The following ZNFX1 variants were observed in gnomAD, a reference collection of about 807,000 sequenced individuals.
The protein encoded by ZNFX1 is NFX1-type zinc finger-containing protein 1.
ZNFX1 carries 78 observed loss-of-function variants against 179.8 expected under a neutral mutation model. The observed-to-expected ratio is 0.43, with a 90% confidence interval of 0.36 to 0.52. The LOEUF (loss-of-function observed/expected upper bound fraction) is 0.52, where lower values mean the gene tolerates loss of function less well. Ranked by LOEUF, ZNFX1 falls within the 20% of genes least tolerant of loss-of-function variation. The pLI, the probability that ZNFX1 is intolerant of heterozygous loss-of-function variation, is 0.00. For synonymous variants in ZNFX1, 848 were observed against 868.5 expected (o/e 0.98, Z 0.42); for missense variants, 1,927 against 2,386.6 (o/e 0.81, Z 4.01).
rs1198040345 is a variant in ZNFX1 at position 49,263,304 on chromosome 20, CA to C, written c.2301+29del. ...TACCTCAAAGTACTGAGGCCAGAGA[CA>C]TATTTGTGTCCCCCAGGATGACCCC... is the stretch of plus-strand genomic sequence containing the variant. On this transcript the variant is annotated intron_variant, in intron 6 of 13. Coordinates refer to ENST00000396105, the MANE Select transcript of ZNFX1 (RefSeq NM_021035.3). 3 of 1,609,058 alleles carry C rather than the reference CA, an allele frequency of 1.9e-6. No homozygotes were observed. The Admixed American group carries it at 5.0e-5, about 27-fold the overall frequency.
rs543258621 is a variant in ZNFX1, at chr20:49,246,797, G to C, written c.*470C>G. On this transcript the variant is annotated 3_prime_UTR_variant, in exon 14 of 14. Coordinates refer to ENST00000396105, the MANE Select transcript of ZNFX1 (RefSeq NM_021035.3). ...GAGATAAAGTGCTTACTCTAGCGCA[G>C]GGGTAAATCTAGAAACAAATGTGGG... 36 of 453,946 alleles carry C rather than the reference G, an allele frequency of 7.9e-5. No individual in the cohort carries two copies. In the East Asian group the frequency reaches 2.4e-3, roughly 30 times the overall value. The allele number at this position is 453,946 out of a possible 1,614,324, so 28.1% of individuals were successfully genotyped here.
At chr20:49,255,705 A>G (rs1980953202) in intron 9 of ZNFX1, 103 bp downstream of exon 9, 2 of 1,348,174 alleles carry the variant, frequency 1.5e-6, no homozygotes, top group South Asian at 1.4e-5. Flanking sequence ...GTGGTGCTCA[A>G]TCAATAATTA....
At chr20:49,261,835 A>G (rs1227782596) in intron 6 of ZNFX1, among the ~76,000 whole-genome samples, 1 of 151,046 alleles carries the variant, frequency 6.6e-6, no homozygotes, top group Non-Finnish European at 1.5e-5. Context: ...TTTAGTAGAG[A>G]CGGGGTTTCA....
At chr20:49,261,173 G>A (rs1455866951) in intron 6 of ZNFX1, among the ~76,000 whole-genome samples, 1 of 152,180 alleles carries the variant, frequency 6.6e-6, no homozygotes, top group Non-Finnish European at 1.5e-5. Flanking sequence ...GGCCGAGGCT[G>A]CAGTGAGCTA....
chr20:49,271,640 T>C lies in ZNFX1; in HGVS notation c.172A>G (p.Asn58Asp), dbSNP rs1314777975. The change falls in exon 3 of 14, where the codon AAC becomes GAC. Residue 58 changes from asparagine to aspartate, a missense_variant. Transcript: ENST00000396105. ...SHPGRHPRAN[N>D]HPAAYWQREE... ...CTCTGCCAGTAAGCAGCAGGATGGTTGTTGGCCCTAGGATGCCTTCCAGGG... is the reference window on the plus strand; with the variant it reads ...CTCTGCCAGTAAGCAGCAGGATGGTCGTTGGCCCTAGGATGCCTTCCAGGG... 1.2e-6 allele frequency: 2 copies of C among 1,614,002 alleles called. No individual in the cohort carries two copies. Among genetic ancestry groups the C allele is most frequent in the African/African-American group, 2.7e-5 (2 of 75,010 alleles).
Position 49,247,174 on chromosome 20 carries a change from G to A in ZNFX1, c.*93C>T. The A allele has an allele frequency of 1.3e-6, 2 of 1,500,346 alleles. No individual in the cohort carries two copies. The highest frequency in any genetic ancestry group is 1.8e-6 in the Non-Finnish European group (2 of 1,118,312). 92.9% of individuals were successfully genotyped at this position (1,500,346 alleles called of 1,614,324 possible). On this transcript the variant is annotated 3_prime_UTR_variant, in exon 14 of 14. Coordinates refer to ENST00000396105, the MANE Select transcript of ZNFX1 (RefSeq NM_021035.3). ...AAGCCACTGCGCCCAGCCTAAAAAG[G>A]ATGATAATAAAAAACAAACTTCAGT...
At chr20:49,260,398 CA>C (rs1443312652) in intron 7 of ZNFX1, 64 bp downstream of exon 7, 1 of 1,067,198 alleles carries the variant, frequency 9.4e-7, no homozygotes, top group African/African-American at 1.6e-5. Context: ...TTTTAAGTCT[CA>C]CTGTTCTGGT....
In ZNFX1 at chr20:49,249,632, T is replaced by C. The variant is rs768211248; in HGVS notation, c.3392A>G (p.Gln1131Arg). The change falls in exon 14 of 14, where the codon CAG becomes CGG. Residue 1131 changes from glutamine (Q) to arginine (R), a missense_variant. Coordinates refer to ENST00000396105, the MANE Select transcript of ZNFX1 (RefSeq NM_021035.3). The stretch of plus-strand genomic sequence containing the variant: ...CTCTACCACAAAGTGAGCCTCATGC[T>C]GGTTCTGATGGCTTTTGCCCTCTTG... ...EIQEGKSHQN[Q>R]HEAHFVVELC... 2.2e-5 allele frequency: 35 copies of C among 1,614,118 alleles called. No homozygotes were observed. Among genetic ancestry groups the C allele is most frequent in the Admixed American group, 3.3e-5 (2 of 60,010 alleles).
intron 13 of ZNFX1, 65 bp downstream of exon 13, chr20:49,251,462 G>T: frequency 6.8e-7 from 1 of 1,478,606 alleles, no homozygotes; most frequent in Non-Finnish European, 9.3e-7. Context: ...TTTTTATCTT[G>T]AGGAAATTAT....
In ZNFX1 at chr20:49,269,825, A is replaced by G. The variant is rs1981335946; in HGVS notation, c.1870+117T>C. ...CACATGTACCCCTAAACCTAAAATA[A>G]AAGTTGGAAAATAAAATAAGTAAAT... is the stretch of plus-strand genomic sequence containing the variant. On this transcript the variant is annotated intron_variant, in intron 3 of 13. Coordinates refer to ENST00000396105, the MANE Select transcript of ZNFX1 (RefSeq NM_021035.3). 4 of 1,303,106 alleles carry G rather than the reference A, an allele frequency of 3.1e-6. No individual in the cohort carries two copies. In the South Asian group the frequency reaches 6.2e-5, roughly 20 times the overall value. 80.7% of individuals were successfully genotyped at this position (1,303,106 alleles called of 1,614,324 possible).
intron 8 of ZNFX1, 124 bp downstream of exon 8, chr20:49,257,293 G>A (rs2146733082): frequency 2.2e-6 from 3 of 1,344,140 alleles, no homozygotes; most frequent in Non-Finnish European, 3.0e-6. Context: ...CATACCAGGG[G>A]TAGGCTGTAA....
intron 3 of ZNFX1, 123 bp from the exon 4 acceptor site, chr20:49,266,389 G>T (rs142297323): frequency 3.0e-6 from 3 of 1,011,226 alleles, no homozygotes; most frequent in South Asian, 2.0e-5. Context: ...TCTAAGAAGC[G>T]TACATTGTAT....
At chr20:49,264,144 C>G (rs1479009947) in intron 5 of ZNFX1, among the ~76,000 whole-genome samples, 1 of 152,166 alleles carries the variant, frequency 6.6e-6, no homozygotes, top group Non-Finnish European at 1.5e-5. Context: ...ATCGCTTGAA[C>G]CTAGGAGGTG....
intron 10 of ZNFX1, 90 bp downstream of exon 10, chr20:49,254,405 C>T: frequency 6.7e-7 from 1 of 1,491,372 alleles, no homozygotes; most frequent in African/African-American, 1.4e-5. Context: ...CTCTAACCTA[C>T]CAAAGAAGCT....
rs539249314 is a variant in ZNFX1 at position 49,275,740 on chromosome 20, C to T, written c.61+39G>A. The T allele has an allele frequency of 3.1e-6, 5 of 1,598,496 alleles. No homozygotes were observed. In the Admixed American group the frequency reaches 6.7e-5, roughly 21 times the overall value. ...AGAGCCCTATTTCCTTCTTTTATTACTAGAATTTCCTTCTCATTAGGTAGG... is the reference window on the plus strand; with the variant it reads ...AGAGCCCTATTTCCTTCTTTTATTATTAGAATTTCCTTCTCATTAGGTAGG... On this transcript the variant is annotated intron_variant, in intron 2 of 13. Transcript: ENST00000396105.
intron 11 of ZNFX1, 38 bp downstream of exon 11, chr20:49,253,628 G>A (rs752701610): frequency 6.2e-7 from 1 of 1,612,446 alleles, no homozygotes; most frequent in Non-Finnish European, 8.5e-7. Flanking sequence ...CACCCCCACG[G>A]AGAGCCAGCC....
At position 49,270,792 on chromosome 20, in the gene ZNFX1, AGGGTAAATGG is replaced by A; in HGVS notation, c.1010_1019del (p.Pro337LeufsTer61). ...CATCCAAGTGCACTTCATTGTAGGT[AGGGTAAATGG>A]GCATGGTTCGGTAGCTCTCAACATG... On this transcript the variant is annotated frameshift_variant, in exon 3 of 14. Transcript: ENST00000396105. LOFTEE classifies it high-confidence loss of function. The surrounding 1 kb of genome is among the most constrained non-coding windows in gnomAD (Gnocchi z 4.6). The A allele has an allele frequency of 6.2e-7, 1 of 1,614,172 alleles. No homozygotes were observed. The highest frequency in any genetic ancestry group is 8.5e-7 in the Non-Finnish European group (1 of 1,180,024).
At chr20:49,257,153 C>G (rs1250949101) in intron 8 of ZNFX1, among the ~76,000 whole-genome samples, 2 of 152,314 alleles carry the variant, frequency 1.3e-5, no homozygotes, top group Middle Eastern at 3.4e-3. Flanking sequence ...CTCATATGTG[C>G]TACATTCTTC....
Position 49,271,360 on chromosome 20 carries a change from C to G in ZNFX1, c.452G>C (p.Ser151Thr). The change falls in exon 3 of 14, where the codon AGT (serine) becomes ACT (threonine). Residue 151 changes from serine to threonine, a missense_variant. Transcript: ENST00000396105. ...AKKLGYKFLE[S>T]LLQKDPSEVV... ...CTCAGAAGGGTCTTTCTGCAGAAGACTTTCTAAGAACTTGTAGCCCAGTTT... is the reference window on the plus strand; with the variant it reads ...CTCAGAAGGGTCTTTCTGCAGAAGAGTTTCTAAGAACTTGTAGCCCAGTTT... 6.2e-7 allele frequency: 1 copy of G among 1,614,170 alleles called. No individual in the cohort carries two copies. The highest frequency in any genetic ancestry group is 8.5e-7 in the Non-Finnish European group (1 of 1,180,024).
Sources: gnomAD v4.1 joint callset for allele counts (sites outside exome capture counted in the v4.1 genomes callset) on GRCh38, gnomAD v4.1.1 for gene constraint, Gnocchi (gnomAD v3.1) non-coding constraint, MANE v1.5 for transcripts, NCBI Gene and HGNC (gene_info 2026-07-23, HGNC 2026-07-21) for gene names.